The following CARMIL2 variants were observed in gnomAD, a reference collection of about 807,000 sequenced individuals.
CARMIL2 encodes capping protein, Arp2/3 and myosin-I linker protein 2.
Under a neutral mutation model 173.3 loss-of-function variants are expected in CARMIL2, and 96 were observed. The ratio of observed to expected loss-of-function variants is 0.55; its 90% CI spans 0.47 to 0.66. CARMIL2 has a LOEUF of 0.66. Ranked by LOEUF, CARMIL2 falls within the 30% of genes least tolerant of loss-of-function variation. CARMIL2 has a pLI of 0.00. For missense variants in CARMIL2, 1,771 were observed against 1,906.7 expected (o/e 0.93, Z 1.33); for synonymous variants, 830 against 817.1 (o/e 1.02, Z -0.27).
rs2052631236 is a variant in CARMIL2 at position 67,647,977 on chromosome 16, G to A, written c.1071+19G>A. 1 of 1,604,918 alleles carries A rather than the reference G, an allele frequency of 6.2e-7. No individual in the cohort carries two copies. Among genetic ancestry groups the A allele is most frequent in the African/African-American group, 1.3e-5 (1 of 74,818 alleles). ...CAGTGGGGTGAGTGGCTGTCTTCAG[G>A]GTGGGAGCTTGGGGTTGCTCATAAG... On this transcript the variant is annotated intron_variant, in intron 13 of 37. Coordinates refer to ENST00000334583, the MANE Select transcript of CARMIL2 (RefSeq NM_001013838.3).
intron 3 of CARMIL2, 59 bp downstream of exon 3, chr16:67,645,836 G>A: frequency 6.3e-7 from 1 of 1,595,442 alleles, no homozygotes; most frequent in Non-Finnish European, 8.6e-7. Flanking sequence ...GCAGGGGGCT[G>A]CATCTGCAGA....
chr16:67,649,651 G>A lies in CARMIL2; in HGVS notation c.1919+32G>A, dbSNP rs766614374. ...GGGGTCAGAGGGGTGGGACCAGCGG[G>A]CAGGGGGCGCGGTGGAGAGGAGGGC... On this transcript the variant is annotated intron_variant, in intron 20 of 37. Transcript: ENST00000334583. This position sits in a 1 kb window ranked among gnomAD's most constrained non-coding sequence, Gnocchi z 6.7. The A allele has an allele frequency of 6.4e-7, 1 of 1,567,166 alleles. No individual in the cohort carries two copies. The highest frequency in any genetic ancestry group is 2.3e-5 in the East Asian group (1 of 44,120).
Position 67,653,031 on chromosome 16 carries a change from A to G in CARMIL2, c.2897A>G (p.Glu966Gly). The G allele has an allele frequency of 7.9e-7, 1 of 1,269,520 alleles. No homozygotes were observed. Among genetic ancestry groups the G allele is most frequent in the South Asian group, 1.4e-5 (1 of 69,782 alleles). The allele number at this position is 1,269,520 out of a possible 1,614,324, so 78.6% of individuals were successfully genotyped here. The change falls in exon 29 of 38, where the codon GAA becomes GGA. Residue 966 changes from glutamate (E) to glycine (G), a missense_variant. Physicochemically the swap from Glu to Gly is moderately conservative, Grantham distance 98. Around this residue, in one of 3 missense-constraint regions of CARMIL2, gnomAD observed 817 missense variants for 903.5 expected, o/e 0.90. Transcript: ENST00000334583. The surrounding 1 kb of genome is among the most constrained non-coding windows in gnomAD (Gnocchi z 7.4). ...GCTGTCCCCTCAGGTGCTGCTGAGG[A>G]AGCGGAGCCGGAGCCCGAGCTGGCG... ...LVPFIHSAAEEAEPEPELAAP... is the reference protein window; with the variant it reads ...LVPFIHSAAEGAEPEPELAAP...
chr16:67,649,676 C>T lies in CARMIL2; in HGVS notation c.1919+57C>T. 6.4e-7 allele frequency: 1 copy of T among 1,556,530 alleles called. No homozygotes were observed. Among genetic ancestry groups the T allele is most frequent in the South Asian group, 1.2e-5 (1 of 84,584 alleles). ...GCAGGGGGCGCGGTGGAGAGGAGGG[C>T]ACCGGGCTAAGGGGAGGGACTGAAT... On this transcript the variant is annotated intron_variant, in intron 20 of 37. Transcript: ENST00000334583. This position sits in a 1 kb window ranked among gnomAD's most constrained non-coding sequence, Gnocchi z 6.7.
Position 67,656,278 on chromosome 16 carries a change from C to T in CARMIL2, c.3793C>T (p.Arg1265Cys), listed in dbSNP as rs776193056. ...GGCCCCTCCCATCTCGATCAAGTCC[C>T]GCACCCACTCTGTGTCTGCTGGTGA... ...TEAPPISIKS[R>C]THSVSADPSC... The change falls in exon 34 of 38, where the codon CGC (arginine) becomes TGC (cysteine). Residue 1265 changes from arginine (R) to cysteine (C), a missense_variant. Physicochemically the swap from Arg to Cys is radical, Grantham distance 180. This residue lies in a region of CARMIL2 where 817 missense variants were observed against 903.5 expected (regional missense o/e 0.90). Coordinates refer to ENST00000334583, the MANE Select transcript of CARMIL2 (RefSeq NM_001013838.3). 1.2e-5 allele frequency: 19 copies of T among 1,613,988 alleles called. No homozygotes were observed. The highest frequency in any genetic ancestry group is 8.3e-5 in the Admixed American group (5 of 60,020).
intron 29 of CARMIL2, 59 bp from the exon 30 acceptor site, chr16:67,654,090 G>GA: frequency 9.0e-7 from 1 of 1,105,432 alleles, no homozygotes; most frequent in African/African-American, 1.7e-5. Flanking sequence ...CGGGGGGGGG[G>GA]GGGGGTAGAA....
At position 67,652,064 on chromosome 16, in the gene CARMIL2, C is replaced by T; in HGVS notation, c.2676+56C>T. 6.2e-7 allele frequency: 1 copy of T among 1,603,154 alleles called. No individual in the cohort carries two copies. On this transcript the variant is annotated intron_variant, in intron 26 of 37. Transcript: ENST00000334583. This position sits in a 1 kb window ranked among gnomAD's most constrained non-coding sequence, Gnocchi z 4.7. The stretch of plus-strand genomic sequence containing the variant: ...CAAACACACACATGCAGTGACTTGG[C>T]CATCTCCCTTGCAGGGGCTCTGTAA...
In CARMIL2 at chr16:67,645,297, G is replaced by C. The variant is rs1282471968; in HGVS notation, c.40+11G>C. Reference sequence around the variant, plus strand: ...CCTGTGAGCTCCGAGGTAAGCGCTGGCCCTTCCTGCCTTCTTGGCCGGGAG... The same window carrying C: ...CCTGTGAGCTCCGAGGTAAGCGCTGCCCCTTCCTGCCTTCTTGGCCGGGAG... On this transcript the variant is annotated intron_variant, in intron 1 of 37. Transcript: ENST00000334583. 2 of 1,601,844 alleles carry C rather than the reference G, an allele frequency of 1.2e-6. No homozygotes were observed. Among genetic ancestry groups the C allele is most frequent in the Non-Finnish European group, 1.7e-6 (2 of 1,174,912 alleles).
rs1019855658 is a variant in CARMIL2 at position 67,653,781 on chromosome 16, G to A, written c.3121-368G>A. 6.6e-6 allele frequency among the ~76,000 whole-genome samples: 1 copy of A among 152,074 alleles called. No homozygotes were observed. The highest frequency in any genetic ancestry group is 2.4e-5 in the African/African-American group (1 of 41,412). On this transcript the variant is annotated intron_variant, in intron 29 of 37. Coordinates refer to ENST00000334583, the MANE Select transcript of CARMIL2 (RefSeq NM_001013838.3). The surrounding 1 kb of genome is among the most constrained non-coding windows in gnomAD (Gnocchi z 7.4). Reference sequence around the variant, plus strand: ...AGCCGGCAGCAGGCCGGGTGGAGTGGGGGTGGGGTGGGGGACACTGCAGGG... The same window carrying A: ...AGCCGGCAGCAGGCCGGGTGGAGTGAGGGTGGGGTGGGGGACACTGCAGGG...
rs768273296 is a variant in CARMIL2, at chr16:67,651,228, G to A, written c.2226G>A (p.Glu742=). The change falls in exon 23 of 38, where the codon GAG becomes GAA. Residue 742 remains glutamate, a synonymous_variant. Transcript: ENST00000334583. This position sits in a 1 kb window ranked among gnomAD's most constrained non-coding sequence, Gnocchi z 4.2. ...ELCQSVQEHV[E]LLGCGAGPQG... is the part of the protein sequence containing the mutation. ...GTCAGTCGGTGCAGGAGCATGTGGA[G>A]CTGCTGGGCTGTGGGGCTGGGCCCC... 1 of 1,613,642 alleles carries A rather than the reference G, an allele frequency of 6.2e-7. No homozygotes were observed. The highest frequency in any genetic ancestry group is 1.1e-5 in the South Asian group (1 of 91,084).
chr16:67,652,670 G>A lies in CARMIL2; in HGVS notation c.2884+132G>A. ...CACCAGCCCTTGACTGGGCCAGGTC[G>A]GGCCCCTTGTGCAACCTGCAAAGCT... On this transcript the variant is annotated intron_variant, in intron 28 of 37. Transcript: ENST00000334583. The surrounding 1 kb of genome is among the most constrained non-coding windows in gnomAD (Gnocchi z 4.7). 1 of 895,818 alleles carries A rather than the reference G, an allele frequency of 1.1e-6. No homozygotes were observed. The highest frequency in any genetic ancestry group is 1.7e-6 in the Non-Finnish European group (1 of 583,424). 55.5% of individuals were successfully genotyped at this position (895,818 alleles called of 1,614,324 possible). A position where few individuals can be genotyped will look rare whatever the true frequency, so the allele number is the denominator to read the frequency against.
intron 33 of CARMIL2, 72 bp downstream of exon 33, chr16:67,656,139 G>GCT: frequency 6.2e-7 from 1 of 1,606,384 alleles, no homozygotes; most frequent in Non-Finnish European, 8.5e-7. Context: ...CAAGGCACTT[G>GCT]CTCTCCTTGG....
chr16:67,654,866 G>C lies in CARMIL2; in HGVS notation c.3671G>C (p.Arg1224Pro). ...QVMLQRIGVS[R>P]GSGGAEGKRK... ...ATGCTGCAGAGGATAGGCGTCAGCC[G>C]AGGCAGCGGGGGTGCCGAAGGCAAG... Residue 1224 changes from arginine to proline, a missense_variant, in exon 32 of 38, where the codon CGA (arginine) becomes CCA (proline). Physicochemically the swap from Arg to Pro is moderately radical, Grantham distance 103. This residue lies in a region of CARMIL2 where 817 missense variants were observed against 903.5 expected (regional missense o/e 0.90). Coordinates refer to ENST00000334583, the MANE Select transcript of CARMIL2 (RefSeq NM_001013838.3). The C allele has an allele frequency of 6.2e-7, 1 of 1,613,758 alleles. No individual in the cohort carries two copies. The highest frequency in any genetic ancestry group is 8.5e-7 in the Non-Finnish European group (1 of 1,179,890).
Position 67,649,952 on chromosome 16 carries a change from C to T in CARMIL2, c.2066C>T (p.Ala689Val). Residue 689 changes from alanine (A) to valine (V), a missense_variant, in exon 21 of 38, where the codon GCA becomes GTA. Physicochemically the swap from Ala to Val is moderately conservative, Grantham distance 64 (BLOSUM62 0). Coordinates refer to ENST00000334583, the MANE Select transcript of CARMIL2 (RefSeq NM_001013838.3). The surrounding 1 kb of genome is among the most constrained non-coding windows in gnomAD (Gnocchi z 6.7). ...QAQRSRPELT[A>V]RAVHQIQACL... The stretch of plus-strand genomic sequence containing the variant: ...CAGCGCAGCCGCCCGGAACTGACAG[C>T]ACGTGCAGTCCATCAGGTGGGCGTC... 2 of 1,613,316 alleles carry T rather than the reference C, an allele frequency of 1.2e-6. No homozygotes were observed. Among genetic ancestry groups the T allele is most frequent in the Non-Finnish European group, 1.7e-6 (2 of 1,179,772 alleles).
intron 29 of CARMIL2, 108 bp from the exon 30 acceptor site, chr16:67,654,041 A>C: frequency 1.4e-6 from 1 of 697,066 alleles, no homozygotes; most frequent in Non-Finnish European, 2.3e-6. Context: ...GGGTCACCCC[A>C]GTCTGGAATC....
Position 67,653,046 on chromosome 16 carries a change from C to A in CARMIL2, c.2912C>A (p.Pro971His). The A allele has an allele frequency of 7.9e-7, 1 of 1,272,724 alleles. No individual in the cohort carries two copies. The highest frequency in any genetic ancestry group is 1.0e-6 in the Non-Finnish European group (1 of 997,864). 78.8% of individuals were successfully genotyped at this position (1,272,724 alleles called of 1,614,324 possible). Residue 971 changes from proline (P) to histidine (H), a missense_variant, in exon 29 of 38, where the codon CCC (proline) becomes CAC (histidine). By Grantham distance (77) the Pro-to-His change is moderately conservative. Around this residue, in one of 3 missense-constraint regions of CARMIL2, gnomAD observed 817 missense variants for 903.5 expected, o/e 0.90. Coordinates refer to ENST00000334583, the MANE Select transcript of CARMIL2 (RefSeq NM_001013838.3). This position sits in a 1 kb window ranked among gnomAD's most constrained non-coding sequence, Gnocchi z 7.4. ...HSAAEEAEPE[P>H]ELAAPGEDAE... Reference sequence around the variant, plus strand: ...GCTGCTGAGGAAGCGGAGCCGGAGCCCGAGCTGGCGGCTCCGGGAGAAGAT... The same window carrying A: ...GCTGCTGAGGAAGCGGAGCCGGAGCACGAGCTGGCGGCTCCGGGAGAAGAT...
At position 67,648,548 on chromosome 16, in the gene CARMIL2, G is replaced by T. The variant is rs918449028; in HGVS notation, c.1439+46G>T. 5.5e-6 allele frequency: 8 copies of T among 1,454,800 alleles called. No individual in the cohort carries two copies. Among genetic ancestry groups the T allele is most frequent in the Admixed American group, 4.2e-5 (2 of 47,256 alleles). 90.1% of individuals were successfully genotyped at this position (1,454,800 alleles called of 1,614,324 possible). Reference sequence around the variant, plus strand: ...ACGCCCCCGCGGGCGCTCCCACCCTGCCCTGGCCTTCGCCCCTCCCCGCTC... The same window carrying T: ...ACGCCCCCGCGGGCGCTCCCACCCTTCCCTGGCCTTCGCCCCTCCCCGCTC... On this transcript the variant is annotated intron_variant, in intron 15 of 37. Transcript: ENST00000334583. This position sits in a 1 kb window ranked among gnomAD's most constrained non-coding sequence, Gnocchi z 6.1.
Position 67,657,334 on chromosome 16 carries a change from C to T in CARMIL2, c.4195+18C>T. On this transcript the variant is annotated intron_variant, in intron 37 of 37. Transcript: ENST00000334583. This position sits in a 1 kb window ranked among gnomAD's most constrained non-coding sequence, Gnocchi z 4.5. ...AAGCCTAGGTAAGAGGGGGTCCAGG[C>T]CAGCTGGGAGGGTGGCAGGACTGCT... 6.2e-7 allele frequency: 1 copy of T among 1,612,864 alleles called. No homozygotes were observed. Among genetic ancestry groups the T allele is most frequent in the Non-Finnish European group, 8.5e-7 (1 of 1,179,432 alleles).
In CARMIL2 at chr16:67,657,102, G is replaced by A. The variant is rs1010390618; in HGVS notation, c.4118-137G>A. ...AGCAGCCTCTGCCAGGGGTGAGGAC[G>A]CAGGGACGGGGGATGCTCTGAAGGC... On this transcript the variant is annotated intron_variant, in intron 36 of 37. Coordinates refer to ENST00000334583, the MANE Select transcript of CARMIL2 (RefSeq NM_001013838.3). The surrounding 1 kb of genome is among the most constrained non-coding windows in gnomAD (Gnocchi z 4.5). The A allele has an allele frequency of 3.2e-5, 27 of 851,950 alleles. No homozygotes were observed. In the East Asian group the frequency reaches 3.5e-4, roughly 11 times the overall value. 52.8% of individuals were successfully genotyped at this position (851,950 alleles called of 1,614,324 possible).
Sources: gnomAD v4.1 joint callset for allele counts (sites outside exome capture counted in the v4.1 genomes callset) on GRCh38, gnomAD v4.1.1 for gene constraint, gnomAD v4.1.1 regional missense constraint, Gnocchi (gnomAD v3.1) non-coding constraint, MANE v1.5 for transcripts, NCBI Gene and HGNC (gene_info 2026-07-23, HGNC 2026-07-21) for gene names.